GABRA3: variants seen among roughly 807,000 people sequenced by gnomAD.
GABRA3 encodes the protein gamma-aminobutyric acid receptor subunit alpha-3.
In GABRA3, 10 loss-of-function variants were observed where a neutral mutation model predicts 30.1. The observed-to-expected ratio is 0.33, with a 90% CI of 0.20 to 0.56. GABRA3 has a LOEUF of 0.56. Ranked by LOEUF, GABRA3 falls within the 20% of genes least tolerant of loss-of-function variation. The probability of loss-of-function intolerance (pLI) is 0.89; values close to 1 mark genes in which losing one functional copy is unlikely to be tolerated. For missense variants in GABRA3, 233 were observed against 392.0 expected (o/e 0.59, Z 3.42); for synonymous variants, 151 against 146.8 (o/e 1.03, Z -0.21).
chrX:152,410,127 A>T (rs1930033090), intron 1 of GABRA3, among the ~76,000 whole-genome samples: 1 of 112,069 alleles, frequency 8.9e-6, no homozygotes, highest in Admixed American at 9.5e-5. Context: ...GAAAAGAAAA[A>T]CTTTGCATGT....
intron 5 of GABRA3, among the ~76,000 whole-genome samples, chrX:152,225,051 TATC>T (rs1340929089): frequency 2.7e-5 from 3 of 110,287 alleles, no homozygotes; most frequent in Non-Finnish European, 3.8e-5. Flanking sequence ...TTTTGGATCA[TATC>T]ATCATATCTG....
At chrX:152,175,058 C>T (rs1490272839) in intron 9 of GABRA3, among the ~76,000 whole-genome samples, 3 of 111,858 alleles carry the variant, frequency 2.7e-5, no homozygotes, top group Non-Finnish European at 5.6e-5. Flanking sequence ...AATCCTTTCC[C>T]CATTGCTTGT....
intron 3 of GABRA3, among the ~76,000 whole-genome samples, chrX:152,338,763 C>T (rs1361313912): frequency 8.9e-6 from 1 of 111,977 alleles, no homozygotes; most frequent in Non-Finnish European, 1.9e-5. Flanking sequence ...ATCCAGTTTT[C>T]CCAGCATTAT....
At chrX:152,173,240 TG>T (rs558345334) in intron 9 of GABRA3, among the ~76,000 whole-genome samples, 6 of 104,037 alleles carry the variant, frequency 5.8e-5, no homozygotes, top group Admixed American at 1.1e-4. Flanking sequence ...GTAAAGGCGG[TG>T]GGGGGGTGGG....
rs1233328322 is a variant in GABRA3 at position 152,170,804 on chromosome X, G to A, written c.1144-2241C>T. On this transcript the variant is annotated intron_variant, in intron 9 of 9. Coordinates refer to ENST00000370314, the MANE Select transcript of GABRA3 (RefSeq NM_000808.4). ...GTGTTTTCAGTCATGGACGGGAAGT[G>A]CGACAGATGAGAGGATGTTGGTTTA... 7.1e-5 allele frequency among the ~76,000 whole-genome samples: 8 copies of A among 112,047 alleles called. No individual in the cohort carries two copies. The Admixed American group carries it at 7.6e-4, about 11-fold the overall frequency.
chrX:152,369,446 CCTCCCGTCTCACACA>C (rs1218861105), intron 1 of GABRA3, among the ~76,000 whole-genome samples: 1 of 111,051 alleles, frequency 9.0e-6, no homozygotes, highest in Non-Finnish European at 1.9e-5. Flanking sequence ...CCCCTACTAC[CCTCCCGTCTCACACA>C]CTCCACTTCA....
intron 1 of GABRA3, among the ~76,000 whole-genome samples, chrX:152,374,995 G>T (rs746108145): frequency 1.8e-5 from 2 of 111,103 alleles, no homozygotes; most frequent in Non-Finnish European, 3.8e-5. Flanking sequence ...TCCATTGGTC[G>T]ATGTGTCTGT....
intron 9 of GABRA3, among the ~76,000 whole-genome samples, chrX:152,177,876 TAG>T (rs767970571): frequency 1.8e-5 from 2 of 111,071 alleles, no homozygotes; most frequent in Non-Finnish European, 3.8e-5. Flanking sequence ...TGAAGAAAAA[TAG>T]AGTGATAAAG....
intron 1 of GABRA3, among the ~76,000 whole-genome samples, chrX:152,384,276 T>C (rs1447400549): frequency 9.0e-6 from 1 of 111,682 alleles, no homozygotes; most frequent in African/African-American, 3.2e-5. Context: ...AAAGAATTAA[T>C]GTTTTTCAAT....
intron 1 of GABRA3, among the ~76,000 whole-genome samples, chrX:152,422,277 A>G (rs1280893526): frequency 9.0e-6 from 1 of 111,528 alleles, no homozygotes; most frequent in Non-Finnish European, 1.9e-5. Context: ...CATGTTGAAT[A>G]AAACAAGCCA....
chrX:152,326,210 G>C lies in GABRA3; in HGVS notation c.262+19371C>G, dbSNP rs140694090. On this transcript the variant is annotated intron_variant, in intron 3 of 9. Coordinates refer to ENST00000370314, the MANE Select transcript of GABRA3 (RefSeq NM_000808.4). ...CAAGAAATATGGGACTACGTGAAAA[G>C]ACCAAATCTACATCTGATTGGTGTA... Among the ~76,000 whole-genome samples, 611 of 111,698 alleles carry C rather than the reference G, an allele frequency of 5.5e-3. 6 individuals carry two copies. The highest frequency in any genetic ancestry group is 0.019 in the African/African-American group (598 of 30,716).
intron 3 of GABRA3, among the ~76,000 whole-genome samples, chrX:152,294,569 A>C (rs899894936): frequency 9.0e-6 from 1 of 111,036 alleles, no homozygotes; most frequent in African/African-American, 3.3e-5. Flanking sequence ...CAATGGGTTC[A>C]AACATCCTCC....
intron 1 of GABRA3, among the ~76,000 whole-genome samples, chrX:152,407,352 G>T (rs1256087024): frequency 9.0e-6 from 1 of 110,609 alleles, no homozygotes; most frequent in East Asian, 2.8e-4. Context: ...TACAAAAAAA[G>T]GAAAAATTTC....
At chrX:152,291,702 T>C (rs1392458761) in intron 3 of GABRA3, among the ~76,000 whole-genome samples, 1 of 111,610 alleles carries the variant, frequency 9.0e-6, no homozygotes, top group Non-Finnish European at 1.9e-5. Context: ...ACCTAGTGTA[T>C]TGAGAGTTTT....
intron 8 of GABRA3, among the ~76,000 whole-genome samples, chrX:152,193,106 T>C (rs1937344208): frequency 9.0e-6 from 1 of 111,659 alleles, no homozygotes; most frequent in Admixed American, 9.6e-5. Context: ...TTGAGACATC[T>C]ACCATCTGGT....
chrX:152,170,830 C>T (rs900916066), intron 9 of GABRA3, among the ~76,000 whole-genome samples: 6 of 111,896 alleles, frequency 5.4e-5, no homozygotes, highest in African/African-American at 1.3e-4. Context: ...TGTTGGTTTA[C>T]GTAAATTGAA....
At chrX:152,326,767 C>T (rs1311640082) in intron 3 of GABRA3, among the ~76,000 whole-genome samples, 1 of 111,379 alleles carries the variant, frequency 9.0e-6, no homozygotes, top group Admixed American at 9.6e-5. Context: ...ATTGTAAAGA[C>T]CATCGATGCT....
chrX:152,219,047 G>A (rs752135936), intron 6 of GABRA3, among the ~76,000 whole-genome samples: 21 of 110,972 alleles, frequency 1.9e-4, no homozygotes, highest in Admixed American at 9.6e-4. Context: ...AGGACAACAC[G>A]TTCCCTTTAG....
chrX:152,209,276 G>C (rs938302470), intron 6 of GABRA3, among the ~76,000 whole-genome samples: 6 of 111,435 alleles, frequency 5.4e-5, no homozygotes, highest in African/African-American at 2.0e-4. Flanking sequence ...GAAATGGTCA[G>C]AAATGAGGTG....
Sources: gnomAD v4.1 joint callset for allele counts (sites outside exome capture counted in the v4.1 genomes callset) on GRCh38, gnomAD v4.1.1 for gene constraint, MANE v1.5 for transcripts, NCBI Gene and HGNC (gene_info 2026-07-23, HGNC 2026-07-21) for gene names.